Variants in KANSL1L observed in about 807,000 individuals in gnomAD.
KANSL1L encodes the protein KAT8 regulatory NSL complex subunit 1-like protein.
In KANSL1L, 25 loss-of-function variants were observed where a neutral mutation model predicts 108.6. The ratio of observed to expected loss-of-function variants is 0.23; its 90% confidence interval spans 0.17 to 0.32. KANSL1L has a LOEUF of 0.32. KANSL1L is among the 10% of genes least tolerant of loss of function. The pLI is 1.00. For missense variants in KANSL1L, 1,137 were observed against 1,125.7 expected, an observed-to-expected ratio of 1.01 and a Z score of -0.14; for synonymous variants, 405 against 395.1, an observed-to-expected ratio of 1.03 and a Z score of -0.30.
intron 1 of KANSL1L, among the ~76,000 whole-genome samples, chr2:210,166,005 T>A (rs564732025): frequency 2.6e-4 from 39 of 152,292 alleles, no homozygotes; most frequent in African/African-American, 8.9e-4. Flanking sequence ...CTTGATCATA[T>A]GTATGTATGG....
chr2:210,081,047 C>T (rs768621436), intron 5 of KANSL1L, among the ~76,000 whole-genome samples: 1 of 151,816 alleles, frequency 6.6e-6, no homozygotes, highest in Non-Finnish European at 1.5e-5. Context: ...GTGAAGGTTG[C>T]AGTGAGCCAA....
At chr2:210,165,241 T>C (rs1687871333) in intron 1 of KANSL1L, among the ~76,000 whole-genome samples, 1 of 151,780 alleles carries the variant, frequency 6.6e-6, no homozygotes, top group Non-Finnish European at 1.5e-5. Context: ...CCAGAAATGT[T>C]ATGGATGGCA....
At chr2:210,053,722 A>G (rs2094318196) in intron 6 of KANSL1L, among the ~76,000 whole-genome samples, 1 of 152,204 alleles carries the variant, frequency 6.6e-6, no homozygotes, top group Non-Finnish European at 1.5e-5. Context: ...TAAAAAACAA[A>G]TAACTTCTGC....
chr2:210,164,144 A>G (rs1167048743), intron 1 of KANSL1L, among the ~76,000 whole-genome samples: 1 of 152,206 alleles, frequency 6.6e-6, no homozygotes, highest in Non-Finnish European at 1.5e-5. Flanking sequence ...TATATAAAGT[A>G]TCATATATCA....
At chr2:210,072,866 C>T (rs1437257907) in intron 6 of KANSL1L, among the ~76,000 whole-genome samples, 1 of 152,154 alleles carries the variant, frequency 6.6e-6, no homozygotes, top group Non-Finnish European at 1.5e-5. Context: ...CAGAGTTATA[C>T]CCATTAATGA....
At chr2:210,119,502 G>C (rs1200418275) in intron 3 of KANSL1L, among the ~76,000 whole-genome samples, 3 of 152,120 alleles carry the variant, frequency 2.0e-5, no homozygotes, top group Non-Finnish European at 4.4e-5. Flanking sequence ...AATCAAGTAG[G>C]ATGCATTCCA....
chr2:210,092,234 T>C (rs1169922238), intron 5 of KANSL1L, among the ~76,000 whole-genome samples: 1 of 152,212 alleles, frequency 6.6e-6, no homozygotes, highest in Non-Finnish European at 1.5e-5. Context: ...TCACTCTCTC[T>C]TCAAATATTG....
chr2:210,134,715 T>C (rs1260140758), intron 2 of KANSL1L, among the ~76,000 whole-genome samples: 2 of 152,130 alleles, frequency 1.3e-5, no homozygotes, highest in East Asian at 1.9e-4. Flanking sequence ...TTAACAACTA[T>C]GACAAAATGA....
intron 6 of KANSL1L, among the ~76,000 whole-genome samples, chr2:210,049,283 A>AC (rs535274666): frequency 7.7e-5 from 11 of 142,294 alleles, no homozygotes; most frequent in Middle Eastern, 3.6e-3. Context: ...TTTCTCTTCC[A>AC]CCCCCCCACC....
intron 5 of KANSL1L, chr2:210,096,564 T>C: frequency 1.0e-6 from 1 of 984,994 alleles, no homozygotes; most frequent in Admixed American, 6.1e-5. Context: ...CTTGATTAGG[T>C]AAACAAAGTA....
At chr2:210,149,124 A>T (rs2095285009) in intron 2 of KANSL1L, among the ~76,000 whole-genome samples, 1 of 152,172 alleles carries the variant, frequency 6.6e-6, no homozygotes, top group Non-Finnish European at 1.5e-5. Flanking sequence ...TGGAAAAAAC[A>T]TCAAGTAAAC....
At chr2:210,096,387 C>T (rs1302924053) in intron 5 of KANSL1L, 5 of 488,010 alleles carry the variant, frequency 1.0e-5, no homozygotes, top group African/African-American at 8.4e-5. Flanking sequence ...GTGAAGACTT[C>T]TGTCTTCATA....
intron 1 of KANSL1L, among the ~76,000 whole-genome samples, chr2:210,167,034 A>G (rs1393555611): frequency 2.0e-5 from 3 of 152,042 alleles, no homozygotes. Context: ...AAATTTAAAA[A>G]TAAATAAATA....
intron 11 of KANSL1L, 109 bp downstream of exon 11, chr2:210,028,736 A>G: frequency 1.2e-6 from 1 of 800,542 alleles, no homozygotes; most frequent in Non-Finnish European, 1.9e-6. Flanking sequence ...ATGGCTATGA[A>G]GGAACTGGGA....
chr2:210,085,831 T>C (rs2094632141), intron 5 of KANSL1L, among the ~76,000 whole-genome samples: 1 of 151,010 alleles, frequency 6.6e-6, no homozygotes, highest in African/African-American at 2.4e-5. Context: ...TTTATTAATA[T>C]ATTCACTTAT....
intron 6 of KANSL1L, among the ~76,000 whole-genome samples, chr2:210,068,863 C>CT (rs1189730404): frequency 6.6e-6 from 1 of 152,124 alleles, no homozygotes. Flanking sequence ...CTGTTCCTGG[C>CT]TTCTGCTTAG....
At chr2:210,107,590 G>A (rs559257603) in intron 3 of KANSL1L, among the ~76,000 whole-genome samples, 14 of 150,578 alleles carry the variant, frequency 9.3e-5, no homozygotes, top group Non-Finnish European at 1.8e-4. Context: ...GTGCAGTGGC[G>A]CAATCTTGAC....
chr2:210,114,880 T>A (rs2094939651), intron 3 of KANSL1L, among the ~76,000 whole-genome samples: 1 of 152,012 alleles, frequency 6.6e-6, no homozygotes, highest in Non-Finnish European at 1.5e-5. Flanking sequence ...TATAATGTAA[T>A]AACTTTATGA....
chr2:210,026,818 T>G (rs1183193050), intron 12 of KANSL1L, among the ~76,000 whole-genome samples: 2 of 152,224 alleles, frequency 1.3e-5, no homozygotes, highest in Non-Finnish European at 1.5e-5. Flanking sequence ...TTGCCCAGGC[T>G]GGAGTGCAGT....
Sources: allele counts gnomAD v4.1 joint callset (sites outside exome capture counted in the v4.1 genomes callset), GRCh38; gene constraint gnomAD v4.1.1; transcripts MANE v1.5; gene names NCBI Gene and HGNC (gene_info 2026-07-23, HGNC 2026-07-21).